The following MYZAP variants were observed in gnomAD, a reference collection of about 807,000 sequenced individuals.
MYZAP encodes the protein myocardial zonula adherens protein, also known as GRINL1A complex locus upstream.
In MYZAP, 66 loss-of-function variants were observed where a neutral mutation model predicts 69.4. That is an observed-to-expected ratio of 0.95 (90% confidence interval 0.78 to 1.17). The LOEUF (loss-of-function observed/expected upper bound fraction) is 1.17, where lower values mean the gene tolerates loss of function less well. Ranked by LOEUF, MYZAP falls within the 50% of genes most tolerant of loss-of-function variation. The pLI is 0.00. For synonymous variants in MYZAP, 256 were observed against 205.9 expected (o/e 1.24, Z -2.09); for missense variants, 611 against 556.2 (o/e 1.10, Z -0.99).
chr15:57,681,042 C>T (rs1293133346), intron 12 of MYZAP, among the ~76,000 whole-genome samples: 1 of 152,202 alleles, frequency 6.6e-6, no homozygotes, highest in Admixed American at 6.5e-5. Context: ...AAATAAAATA[C>T]CCCACTTCTT....
At chr15:57,595,997 C>T (rs182056828) in intron 1 of MYZAP, among the ~76,000 whole-genome samples, 11 of 152,284 alleles carry the variant, frequency 7.2e-5, no homozygotes, top group South Asian at 4.2e-4. Context: ...AAACCTGTGC[C>T]GGTCAAAAAT....
intron 2 of MYZAP, among the ~76,000 whole-genome samples, chr15:57,616,769 C>T (rs1028008993): frequency 2.1e-5 from 3 of 144,688 alleles, no homozygotes; most frequent in Non-Finnish European, 3.0e-5. Flanking sequence ...ACGATCACGC[C>T]ACTACACTGC....
chr15:57,602,403 G>T (rs1257567315), intron 1 of MYZAP, among the ~76,000 whole-genome samples: 1 of 152,112 alleles, frequency 6.6e-6, no homozygotes, highest in Non-Finnish European at 1.5e-5. Context: ...ATGTTTATAT[G>T]ATGATCGCCC....
chr15:57,639,699 A>G (rs2037027633), intron 10 of MYZAP, among the ~76,000 whole-genome samples, 154 bp downstream of exon 10: 2 of 152,178 alleles, frequency 1.3e-5, no homozygotes, highest in African/African-American at 4.8e-5. Context: ...ATTTCCCCAC[A>G]TGTCCCCCAT....
rs750060370 is a variant in MYZAP, at chr15:57,684,449, C to A, written c.1352C>A (p.Thr451Asn). 6 of 1,613,408 alleles carry A rather than the reference C, an allele frequency of 3.7e-6. No individual in the cohort carries two copies. Among genetic ancestry groups the A allele is most frequent in the African/African-American group, 2.7e-5 (2 of 74,838 alleles). The stretch of plus-strand genomic sequence containing the variant: ...ATTGTGATGCCTTCTAGGAACTACA[C>A]CCCATACACAAGAGTCCTGGAGTTA... ...REIVMPSRNY[T>N]PYTRVLELTM... Residue 451 changes from threonine to asparagine, a missense_variant, in exon 13 of 13, where the codon ACC becomes AAC. Physicochemically the swap from Thr to Asn is moderately conservative, Grantham distance 65. Transcript: ENST00000267853.
At chr15:57,626,572 A>T (rs374411973) in intron 5 of MYZAP, among the ~76,000 whole-genome samples, 1 of 152,238 alleles carries the variant, frequency 6.6e-6, no homozygotes, top group Non-Finnish European at 1.5e-5. Flanking sequence ...AAAGCAAAGC[A>T]TTGTATGTAT....
At chr15:57,647,925 G>C (rs1227671740) in intron 10 of MYZAP, 1 of 985,200 alleles carries the variant, frequency 1.0e-6, no homozygotes, top group Non-Finnish European at 1.2e-6. Context: ...GTCATGTGCT[G>C]AAATCCTGCC....
intron 5 of MYZAP, 110 bp downstream of exon 5, chr15:57,626,002 TTC>T: frequency 1.0e-6 from 1 of 968,764 alleles, no homozygotes; most frequent in African/African-American, 1.6e-5. Flanking sequence ...TGATTCAGAA[TTC>T]TTTAAGCAGA....
intron 10 of MYZAP, among the ~76,000 whole-genome samples, chr15:57,644,796 C>T (rs2037356654): frequency 6.6e-6 from 1 of 152,162 alleles, no homozygotes; most frequent in Non-Finnish European, 1.5e-5. Flanking sequence ...CTGTACTGGC[C>T]TGGTGGTATC....
chr15:57,653,322 G>A (rs1301021628), intron 10 of MYZAP, among the ~76,000 whole-genome samples: 2 of 152,164 alleles, frequency 1.3e-5, no homozygotes, highest in Non-Finnish European at 2.9e-5. Context: ...AATTTCGCAA[G>A]GAAACAGCTT....
chr15:57,677,591 G>A (rs1409684592), intron 12 of MYZAP, among the ~76,000 whole-genome samples: 1 of 152,196 alleles, frequency 6.6e-6, no homozygotes, highest in Non-Finnish European at 1.5e-5. Flanking sequence ...AGATTCCATG[G>A]TATTGTCCAG....
rs146834986 is a variant in MYZAP, at chr15:57,644,804, A to G, written c.1119+5259A>G. Among the ~76,000 whole-genome samples the G allele has an allele frequency of 7.9e-3, 1,199 of 152,288 alleles. 7 individuals carry two copies. The highest frequency in any genetic ancestry group is 0.014 in the Middle Eastern group (4 of 294). ...TTAATAGCTGTACTGGCCTGGTGGT[A>G]TCCAGATAATACAAACTTCCCAAAG... On this transcript the variant is annotated intron_variant, in intron 10 of 12. Coordinates refer to ENST00000267853, the MANE Select transcript of MYZAP (RefSeq NM_001018100.5).
chr15:57,630,158 G>C (rs1206261615), intron 6 of MYZAP, among the ~76,000 whole-genome samples: 1 of 152,098 alleles, frequency 6.6e-6, no homozygotes, highest in Non-Finnish European at 1.5e-5. Flanking sequence ...AGTAGAGAAG[G>C]GGTTTCACCA....
At chr15:57,627,612 A>G (rs2036237395) in intron 5 of MYZAP, among the ~76,000 whole-genome samples, 1 of 152,076 alleles carries the variant, frequency 6.6e-6, no homozygotes, top group Non-Finnish European at 1.5e-5. Context: ...CACTCTGTCC[A>G]CTTTCATTAT....
At chr15:57,640,841 G>A (rs189726595) in intron 10 of MYZAP, among the ~76,000 whole-genome samples, 5 of 152,306 alleles carry the variant, frequency 3.3e-5, no homozygotes, top group East Asian at 3.9e-4. Context: ...GGCCACGCAC[G>A]CATCTTTGCA....
chr15:57,602,015 G>A lies in MYZAP; in HGVS notation c.76-2254G>A, dbSNP rs114487016. 4.0e-3 allele frequency among the ~76,000 whole-genome samples: 609 copies of A among 152,216 alleles called. 4 individuals are homozygous for A. Among genetic ancestry groups the A allele is most frequent in the African/African-American group, 0.014 (565 of 41,528 alleles). On this transcript the variant is annotated intron_variant, in intron 1 of 12. Coordinates refer to ENST00000267853, the MANE Select transcript of MYZAP (RefSeq NM_001018100.5). The stretch of plus-strand genomic sequence containing the variant: ...CTGTTCATGGAAAATGAACAGGTTG[G>A]TGCCACCTGTCAGGTACATTTTTGG...
intron 10 of MYZAP, among the ~76,000 whole-genome samples, chr15:57,660,920 A>G (rs1315841467): frequency 6.6e-6 from 1 of 152,206 alleles, no homozygotes; most frequent in Non-Finnish European, 1.5e-5. Flanking sequence ...CTGAATTTCA[A>G]CACTTTTAAT....
intron 10 of MYZAP, chr15:57,647,880 G>A (rs1309507146): frequency 2.0e-6 from 2 of 985,360 alleles, no homozygotes; most frequent in Middle Eastern, 5.2e-4. Flanking sequence ...CTGTGATATG[G>A]TGTGAACTTG....
At chr15:57,671,687 A>C (rs2038875148) in intron 11 of MYZAP, among the ~76,000 whole-genome samples, 1 of 152,190 alleles carries the variant, frequency 6.6e-6, no homozygotes, top group African/African-American at 2.4e-5. Flanking sequence ...ACTTTTAAAA[A>C]AAAATTCAGG....
Sources: allele counts gnomAD v4.1 joint callset (sites outside exome capture counted in the v4.1 genomes callset), GRCh38; gene constraint gnomAD v4.1.1; transcripts MANE v1.5; gene names NCBI Gene and HGNC (gene_info 2026-07-23, HGNC 2026-07-21).